Variants in GRB10 observed in about 807,000 individuals in gnomAD.
GRB10 encodes growth factor receptor bound protein 10.
GRB10 carries 20 observed loss-of-function variants against 80.9 expected under a neutral mutation model. That is an observed-to-expected ratio of 0.25 (90% CI 0.17 to 0.36). The LOEUF is 0.36. Ranked by LOEUF, GRB10 falls within the 10% of genes least tolerant of loss-of-function variation. The probability of loss-of-function intolerance (pLI) is 1.00; values close to 1 mark genes in which losing one functional copy is unlikely to be tolerated. For missense variants in GRB10, 548 were observed against 747.7 expected (o/e 0.73, Z 3.12); for synonymous variants, 291 against 291.5 (o/e 1.00, Z 0.02).
intron 12 of GRB10, among the ~76,000 whole-genome samples, chr7:50,614,177 T>C (rs535865447): frequency 3.3e-5 from 5 of 152,324 alleles, no homozygotes; most frequent in African/African-American, 9.6e-5. Context: ...GTGTGTATAA[T>C]GTATGTGTAT....
chr7:50,729,780 G>A (rs553826312), intron 4 of GRB10, among the ~76,000 whole-genome samples: 6 of 144,706 alleles, frequency 4.1e-5, no homozygotes, highest in South Asian at 4.4e-4. Context: ...CATTTTATTT[G>A]CTTCAGAATT....
In GRB10 at chr7:50,770,957, C is replaced by T. The variant is rs187276664; in HGVS notation, c.-217+9670G>A. Among the ~76,000 whole-genome samples, 148 of 152,194 alleles carry T rather than the reference C, an allele frequency of 9.7e-4. 1 individual carries two copies. The highest frequency in any genetic ancestry group is 3.0e-3 in the Admixed American group (46 of 15,296). On this transcript the variant is annotated intron_variant, in intron 2 of 18. Transcript: ENST00000401949. ...TCAGTAATTTTTAACAGTGTCAAGG[C>T]GCCCTAGGACCCAGCCCTGGGGGTG... is the stretch of plus-strand genomic sequence containing the variant.
intron 5 of GRB10, among the ~76,000 whole-genome samples, chr7:50,683,101 GA>G (rs972074919): frequency 2.0e-5 from 3 of 152,164 alleles, no homozygotes; most frequent in African/African-American, 7.2e-5. Flanking sequence ...AACAGATGAA[GA>G]AAATGTGGCA....
At chr7:50,622,626 G>A in intron 8 of GRB10, among the ~76,000 whole-genome samples, 1 of 152,170 alleles carries the variant, frequency 6.6e-6, no homozygotes, top group East Asian at 1.9e-4. Context: ...TAGTATGCCT[G>A]ATGTCTACAG....
chr7:50,714,849 A>G (rs2066593131), intron 4 of GRB10, among the ~76,000 whole-genome samples: 1 of 152,098 alleles, frequency 6.6e-6, no homozygotes, highest in African/African-American at 2.4e-5. Context: ...TGCGGCTGTG[A>G]GAGTGATCAA....
intron 3 of GRB10, among the ~76,000 whole-genome samples, chr7:50,742,839 G>T (rs1253435712): frequency 6.6e-6 from 1 of 151,978 alleles, no homozygotes; most frequent in Non-Finnish European, 1.5e-5. Context: ...TCTGCAGGGG[G>T]AAAATATTGG....
At chr7:50,707,489 A>C (rs1228369069) in intron 4 of GRB10, among the ~76,000 whole-genome samples, 1 of 152,244 alleles carries the variant, frequency 6.6e-6, no homozygotes, top group East Asian at 1.9e-4. Context: ...TTTTCTCATC[A>C]GCAGAACATT....
intron 7 of GRB10, among the ~76,000 whole-genome samples, chr7:50,634,616 G>C (rs940920495): frequency 2.6e-5 from 4 of 152,040 alleles, no homozygotes. Context: ...AAAAAAACAA[G>C]ACCCAGCCAT....
At chr7:50,713,602 TCCA>T (rs1294346134) in intron 4 of GRB10, among the ~76,000 whole-genome samples, 1 of 135,702 alleles carries the variant, frequency 7.4e-6, no homozygotes, top group East Asian at 2.3e-4. Flanking sequence ...CTCTACCATC[TCCA>T]CCATCACCTC....
intron 7 of GRB10, among the ~76,000 whole-genome samples, chr7:50,647,495 G>T (rs2057372809): frequency 6.6e-6 from 1 of 152,222 alleles, no homozygotes; most frequent in Admixed American, 6.5e-5. Flanking sequence ...CCTTCTCCGT[G>T]CCAGGCACCA....
intron 13 of GRB10, 111 bp from the exon 14 acceptor site, chr7:50,606,525 C>A: frequency 1.3e-6 from 1 of 789,430 alleles, no homozygotes; most frequent in Admixed American, 1.9e-5. Context: ...GGGAGTGATG[C>A]CCTGTACCAG....
At chr7:50,737,386 C>T (rs953613347) in intron 3 of GRB10, among the ~76,000 whole-genome samples, 17 of 152,220 alleles carry the variant, frequency 1.1e-4, no homozygotes, top group African/African-American at 3.9e-4. Flanking sequence ...GCTCCAGCCA[C>T]GTAAGATGTG....
chr7:50,636,203 T>C (rs1379670898), intron 7 of GRB10, among the ~76,000 whole-genome samples: 1 of 152,088 alleles, frequency 6.6e-6, no homozygotes, highest in Non-Finnish European at 1.5e-5. Context: ...GGTCTCGAAC[T>C]CATGAGCTCA....
intron 4 of GRB10, among the ~76,000 whole-genome samples, chr7:50,715,241 A>G (rs1328795537): frequency 6.6e-6 from 1 of 151,612 alleles, no homozygotes; most frequent in Non-Finnish European, 1.5e-5. Context: ...GGAGCAGGGA[A>G]GGGCATGGAG....
At chr7:50,744,579 G>T (rs1048212908) in intron 3 of GRB10, among the ~76,000 whole-genome samples, 1 of 152,124 alleles carries the variant, frequency 6.6e-6, no homozygotes, top group African/African-American at 2.4e-5. Flanking sequence ...TGTATTCTTA[G>T]AATAAAGTAA....
At chr7:50,680,356 T>C (rs547375577) in intron 5 of GRB10, among the ~76,000 whole-genome samples, 4 of 152,360 alleles carry the variant, frequency 2.6e-5, no homozygotes, top group African/African-American at 9.6e-5. Context: ...TCCTCTCCTC[T>C]CTACCCAGCT....
Position 50,591,381 on chromosome 7 carries a change from G to C in GRB10, c.*1571C>G, listed in dbSNP as rs1337966142. ...AGGAGCAGAGAAATGCTGTTCCTTAGGGAACACTTCAGTGGGGCGGATTTG... is the reference window on the plus strand; with the variant it reads ...AGGAGCAGAGAAATGCTGTTCCTTACGGAACACTTCAGTGGGGCGGATTTG... On this transcript the variant is annotated 3_prime_UTR_variant, in exon 19 of 19. Transcript: ENST00000401949. The C allele has an allele frequency of 1.3e-5, 2 of 152,242 alleles. No homozygotes were observed. The highest frequency in any genetic ancestry group is 6.5e-5 in the Admixed American group (1 of 15,282). 9.4% of individuals were successfully genotyped at this position (152,242 alleles called of 1,614,324 possible).
At chr7:50,710,161 A>G (rs1021118295) in intron 4 of GRB10, among the ~76,000 whole-genome samples, 5 of 152,092 alleles carry the variant, frequency 3.3e-5, no homozygotes, top group African/African-American at 1.2e-4. Flanking sequence ...AATTCCAAGC[A>G]GGAAGTAACA....
chr7:50,716,711 G>T (rs985269129), intron 4 of GRB10, among the ~76,000 whole-genome samples: 6 of 152,142 alleles, frequency 3.9e-5, no homozygotes, highest in Admixed American at 6.5e-5. Flanking sequence ...ACCAGACATT[G>T]GACACCACGC....
Sources: allele counts gnomAD v4.1 joint callset (sites outside exome capture counted in the v4.1 genomes callset), GRCh38; gene constraint gnomAD v4.1.1; transcripts MANE v1.5; gene names NCBI Gene and HGNC (gene_info 2026-07-23, HGNC 2026-07-21).